Variants in SNX9 observed in about 807,000 individuals in gnomAD.
The protein encoded by SNX9 is sorting nexin 9, also known as sorting nexin-9.
A neutral mutation model predicts 89.4 loss-of-function variants in SNX9; 44 were observed. That is an observed-to-expected ratio of 0.49 (90% confidence interval 0.39 to 0.63). The LOEUF (loss-of-function observed/expected upper bound fraction) is 0.63, where lower values mean the gene tolerates loss of function less well. Ranked by LOEUF, SNX9 falls within the 30% of genes least tolerant of loss-of-function variation. The pLI is 0.00. For missense variants in SNX9, 578 were observed against 736.1 expected (o/e 0.79, Z 2.49); for synonymous variants, 236 against 247.8 (o/e 0.95, Z 0.45).
At chr6:157,854,341 G>A (rs1781968570) in intron 1 of SNX9, among the ~76,000 whole-genome samples, 1 of 152,250 alleles carries the variant, frequency 6.6e-6, no homozygotes, top group African/African-American at 2.4e-5. Context: ...GCGTTAAATA[G>A]TGGGTTAGTA....
rs961935425 is a variant in SNX9 at position 157,914,582 on chromosome 6, T to A, written c.949+4557T>A. ...ACCTTGACCTCCCGGGCTCAAGCAGTCTTCCAGCCTCAGCCTCCTGAGTAG... is the reference window on the plus strand; with the variant it reads ...ACCTTGACCTCCCGGGCTCAAGCAGACTTCCAGCCTCAGCCTCCTGAGTAG... On this transcript the variant is annotated intron_variant, in intron 9 of 17. Coordinates refer to ENST00000392185, the MANE Select transcript of SNX9 (RefSeq NM_016224.5). 2.4e-4 allele frequency among the ~76,000 whole-genome samples: 36 copies of A among 147,510 alleles called. 1 individual carries two copies. Among genetic ancestry groups the A allele is most frequent in the Non-Finnish European group, 4.6e-4 (31 of 67,544 alleles).
chr6:157,926,355 G>T (rs1783691323), intron 10 of SNX9, among the ~76,000 whole-genome samples: 3 of 152,006 alleles, frequency 2.0e-5, no homozygotes, highest in African/African-American at 7.3e-5. Flanking sequence ...TTTTTGATTT[G>T]GGTACTCTGT....
chr6:157,862,458 G>A (rs1211519440), intron 1 of SNX9, among the ~76,000 whole-genome samples: 2 of 152,178 alleles, frequency 1.3e-5, no homozygotes, highest in African/African-American at 4.8e-5. Context: ...TCTCGAGGGT[G>A]TCAAATCATT....
intron 5 of SNX9, among the ~76,000 whole-genome samples, chr6:157,901,149 C>A (rs932759506): frequency 6.6e-6 from 1 of 152,220 alleles, no homozygotes; most frequent in African/African-American, 2.4e-5. Context: ...ACATCACATG[C>A]TGTTGGCTCA....
chr6:157,909,516 T>A, intron 7 of SNX9, 149 bp from the exon 8 acceptor site: 17 of 925,734 alleles, frequency 1.8e-5, no homozygotes, highest in Non-Finnish European at 2.7e-5. Context: ...ACAGAAACCA[T>A]TGAACCATTT....
At chr6:157,938,919 T>G (rs1307717432) in intron 16 of SNX9, among the ~76,000 whole-genome samples, 172 bp downstream of exon 16, 1 of 152,162 alleles carries the variant, frequency 6.6e-6, no homozygotes, top group Non-Finnish European at 1.5e-5. Flanking sequence ...TTTATTTAAT[T>G]TTTCACCTGT....
At position 157,944,435 on chromosome 6, in the gene SNX9, TATAA is replaced by T. The variant is rs1784102688; in HGVS notation, c.*1600_*1603del. The T allele has an allele frequency of 6.5e-6, 1 of 152,688 alleles. No homozygotes were observed. Among genetic ancestry groups the T allele is most frequent in the Admixed American group, 6.5e-5 (1 of 15,292 alleles). The allele number at this position is 152,688 out of a possible 1,614,324, so 9.5% of individuals were successfully genotyped here. A position where few individuals can be genotyped will look rare whatever the true frequency, so the allele number is the denominator to read the frequency against. On this transcript the variant is annotated 3_prime_UTR_variant, in exon 18 of 18. Coordinates refer to ENST00000392185, the MANE Select transcript of SNX9 (RefSeq NM_016224.5). ...ATATGTACAAATTGTAAAGAATATG[TATAA>T]ATGTTTTACACGAATGTAAGAGCAT...
Position 157,867,469 on chromosome 6 carries a change from A to C in SNX9, c.13-78A>C, listed in dbSNP as rs1165170114. The C allele has an allele frequency of 4.4e-5, 51 of 1,161,860 alleles. No individual in the cohort carries two copies. In the East Asian group the frequency reaches 1.1e-3, roughly 25 times the overall value. 72.0% of individuals were successfully genotyped at this position (1,161,860 alleles called of 1,614,324 possible). A position where few individuals can be genotyped will look rare whatever the true frequency, so the allele number is the denominator to read the frequency against. The stretch of plus-strand genomic sequence containing the variant: ...CATGTTTGTACCAGCATGCTTAGAA[A>C]GTGAACTGTACACCTTTTGTGTTTT... On this transcript the variant is annotated intron_variant, in intron 1 of 17. Coordinates refer to ENST00000392185, the MANE Select transcript of SNX9 (RefSeq NM_016224.5).
At chr6:157,861,473 G>A (rs963266235) in intron 1 of SNX9, among the ~76,000 whole-genome samples, 2 of 152,210 alleles carry the variant, frequency 1.3e-5, no homozygotes, top group Non-Finnish European at 2.9e-5. Context: ...AGCAAGAAAA[G>A]ATAAGGGAGA....
Position 157,932,252 on chromosome 6 carries a change from T to G in SNX9, c.1346T>G (p.Phe449Cys). The G allele has an allele frequency of 1.2e-6, 2 of 1,614,148 alleles. No homozygotes were observed. The highest frequency in any genetic ancestry group is 8.5e-7 in the Non-Finnish European group (1 of 1,180,006). Residue 449 changes from phenylalanine (F) to cysteine (C), a missense_variant, in exon 13 of 18, where the codon TTC (phenylalanine) becomes TGC (cysteine). Around this residue, in one of 2 missense-constraint regions of SNX9, gnomAD observed 348 missense variants for 491.4 expected, o/e 0.71. Transcript: ENST00000392185. ...GKALQSLATV[F>C]SSSGYQGETD... is the part of the protein sequence containing the mutation. ...GCCTTGCAGAGTTTGGCCACAGTGT[T>G]CAGTTCCAGTGGCTATCAAGGTGCG... is the stretch of plus-strand genomic sequence containing the variant.
chr6:157,873,032 A>G, intron 2 of SNX9, 70 bp from the exon 3 acceptor site: 1 of 1,293,626 alleles, frequency 7.7e-7, no homozygotes, highest in Non-Finnish European at 1.0e-6. Context: ...CAATTCCTCC[A>G]CACAAAATTT....
At chr6:157,901,269 T>A (rs185930302) in intron 5 of SNX9, among the ~76,000 whole-genome samples, 1 of 152,138 alleles carries the variant, frequency 6.6e-6, no homozygotes, top group Non-Finnish European at 1.5e-5. Context: ...TTTCAGGGGG[T>A]CTCCCTACAC....
At chr6:157,851,779 C>T (rs1472156569) in intron 1 of SNX9, among the ~76,000 whole-genome samples, 1 of 151,840 alleles carries the variant, frequency 6.6e-6, no homozygotes, top group African/African-American at 2.4e-5. Flanking sequence ...TTAGTAGAGA[C>T]GGGTTCACCA....
intron 6 of SNX9, among the ~76,000 whole-genome samples, chr6:157,905,017 T>C (rs1783181485): frequency 6.6e-6 from 1 of 152,234 alleles, no homozygotes; most frequent in Non-Finnish European, 1.5e-5. Flanking sequence ...TTTACATAAA[T>C]CTTTAATTCC....
At chr6:157,931,555 A>G (rs1783810520) in intron 12 of SNX9, among the ~76,000 whole-genome samples, 1 of 151,962 alleles carries the variant, frequency 6.6e-6, no homozygotes. Flanking sequence ...CTTAAAAAGA[A>G]ACCTTAGGGG....
intron 17 of SNX9, among the ~76,000 whole-genome samples, chr6:157,942,522 A>G (rs1784059065): frequency 6.6e-6 from 1 of 152,218 alleles, no homozygotes; most frequent in African/African-American, 2.4e-5. Context: ...GGTGGTCTGG[A>G]AGCGCCGCTA....
chr6:157,909,982 G>A lies in SNX9; in HGVS notation c.906G>A (p.Gly302=). The A allele has an allele frequency of 6.2e-7, 1 of 1,614,104 alleles. No homozygotes were observed. The highest frequency in any genetic ancestry group is 8.5e-7 in the Non-Finnish European group (1 of 1,180,016). ...WLYERLLVKF[G]SAIPIPSLPD... is the part of the protein sequence containing the mutation. ...ATGAGCGTCTCCTGGTTAAGTTTGG[G>A]TCAGCCATTCCAATCCCTTCTCTTC... The change falls in exon 9 of 18, where the codon GGG becomes GGA. Residue 302 remains glycine, a synonymous_variant. Transcript: ENST00000392185.
intron 9 of SNX9, among the ~76,000 whole-genome samples, chr6:157,915,636 A>ATATATATATAT (rs1342359338): frequency 2.6e-5 from 2 of 76,582 alleles, no homozygotes; most frequent in African/African-American, 5.7e-5. Context: ...AAAAAAAAAA[A>ATATATATATAT]AAAAATATAT....
At chr6:157,859,011 G>T (rs1295751414) in intron 1 of SNX9, among the ~76,000 whole-genome samples, 2 of 152,146 alleles carry the variant, frequency 1.3e-5, no homozygotes, top group African/African-American at 2.4e-5. Flanking sequence ...AATTTTCTGT[G>T]TTATTTAAGA....
Sources: gnomAD v4.1 joint callset for allele counts (sites outside exome capture counted in the v4.1 genomes callset) on GRCh38, gnomAD v4.1.1 for gene constraint, gnomAD v4.1.1 regional missense constraint, MANE v1.5 for transcripts, NCBI Gene and HGNC (gene_info 2026-07-23, HGNC 2026-07-21) for gene names.